LGSN: variants seen among roughly 807,000 people sequenced by gnomAD.
LGSN encodes the protein lengsin, lens protein with glutamine synthetase domain.
A neutral mutation model predicts 19.5 loss-of-function variants in LGSN; 21 were observed. The ratio of observed to expected loss-of-function variants is 1.07; its 90% CI spans 0.76 to 1.55. The LOEUF is 1.55. LGSN is among the 40% of genes most tolerant of loss of function. The probability of loss-of-function intolerance (pLI) is 0.00; values close to 1 mark genes in which losing one functional copy is unlikely to be tolerated. For missense variants in LGSN, 673 were observed against 608.5 expected, an observed-to-expected ratio of 1.11 and a Z score of -1.12; for synonymous variants, 257 against 215.6, an observed-to-expected ratio of 1.19 and a Z score of -1.68.
chr6:63,321,025 T>C (rs959897850), upstream of LGSN, among the ~76,000 whole-genome samples: 42 of 152,184 alleles, frequency 2.8e-4, no homozygotes, highest in Non-Finnish European at 2.5e-4. Flanking sequence ...TGGACCTAGT[T>C]CTGATGCTGA....
At chr6:63,481,417 A>T in the LGSN span, among the ~76,000 whole-genome samples, 3 of 150,900 alleles carry the variant, frequency 2.0e-5, no homozygotes, top group Admixed American at 2.0e-4. Context: ...ATCTCGGCTC[A>T]CTGCAACCTC....
At chr6:63,526,839 A>G in the LGSN span, among the ~76,000 whole-genome samples, 1 of 141,434 alleles carries the variant, frequency 7.1e-6, no homozygotes, top group African/African-American at 2.6e-5. Context: ...ATATATATTT[A>G]TTTATTTATT....
chr6:63,487,842 G>A, the LGSN span, among the ~76,000 whole-genome samples: 5 of 152,056 alleles, frequency 3.3e-5, no homozygotes, highest in Admixed American at 6.6e-5. Flanking sequence ...TTAGCCCAGC[G>A]TGGTAGTGGG....
the LGSN span, among the ~76,000 whole-genome samples, chr6:63,331,235 T>C: frequency 1.3e-5 from 2 of 152,148 alleles, no homozygotes; most frequent in South Asian, 4.1e-4. Flanking sequence ...TTGCAAGCTT[T>C]GCATAGTTGT....
the LGSN span, among the ~76,000 whole-genome samples, chr6:63,342,168 T>C: frequency 6.6e-6 from 1 of 152,220 alleles, no homozygotes; most frequent in Admixed American, 6.5e-5. Flanking sequence ...ATGCTTTTGG[T>C]TGTAGTTCAG....
At chr6:63,458,825 A>G in the LGSN span, among the ~76,000 whole-genome samples, 1 of 152,242 alleles carries the variant, frequency 6.6e-6, no homozygotes, top group Non-Finnish European at 1.5e-5. Context: ...ATATTTACAC[A>G]TACCTTCCAT....
chr6:63,539,020 A>T, the LGSN span, among the ~76,000 whole-genome samples: 1 of 152,010 alleles, frequency 6.6e-6, no homozygotes, highest in East Asian at 1.9e-4. Context: ...AGCTTCCCAC[A>T]TAGCTGGGAT....
the LGSN span, among the ~76,000 whole-genome samples, chr6:63,513,695 G>A: frequency 6.6e-6 from 1 of 152,040 alleles, no homozygotes; most frequent in African/African-American, 2.4e-5. Context: ...TGGATCATCT[G>A]AGGTCAGGAA....
chr6:63,570,773 T>A, the LGSN span, among the ~76,000 whole-genome samples: 1,008 of 152,344 alleles, frequency 6.6e-3, 12 homozygotes, highest in Middle Eastern at 0.027. Context: ...CACTATTATA[T>A]ACATTGGCCA....
chr6:63,411,044 G>T, the LGSN span, among the ~76,000 whole-genome samples: 2 of 152,166 alleles, frequency 1.3e-5, no homozygotes, highest in African/African-American at 4.8e-5. Flanking sequence ...AATTTATCAG[G>T]ATTATTTCTC....
upstream of LGSN, among the ~76,000 whole-genome samples, chr6:63,322,215 A>G (rs9448873): frequency 0.043 from 6,575 of 152,302 alleles, 468 homozygotes; most frequent in African/African-American, 0.15. Flanking sequence ...ATGAAATCAC[A>G]ATGAATCTGT....
At chr6:63,423,369 A>T in the LGSN span, among the ~76,000 whole-genome samples, 1 of 152,092 alleles carries the variant, frequency 6.6e-6, no homozygotes, top group Non-Finnish European at 1.5e-5. Context: ...ATCTGGGCAA[A>T]GTGGCTCATG....
the LGSN span, among the ~76,000 whole-genome samples, chr6:63,541,008 AG>A: frequency 7.0e-6 from 1 of 141,866 alleles, no homozygotes; most frequent in South Asian, 2.3e-4. Context: ...GTCAAAAAAA[AG>A]GAAGGAGGGA....
At chr6:63,504,366 C>G in the LGSN span, among the ~76,000 whole-genome samples, 1 of 152,020 alleles carries the variant, frequency 6.6e-6, no homozygotes, top group Non-Finnish European at 1.5e-5. Flanking sequence ...CTCAGCCTCC[C>G]GAGTAACTGA....
chr6:63,476,598 C>T, the LGSN span, among the ~76,000 whole-genome samples: 1 of 152,212 alleles, frequency 6.6e-6, no homozygotes, highest in Non-Finnish European at 1.5e-5. Context: ...ACTCAAGCAC[C>T]TACATGCTGT....
rs139129109 is a variant in LGSN, at chr6:63,294,744, T to C, written c.163+169A>G. 2.7e-3 allele frequency among the ~76,000 whole-genome samples: 404 copies of C among 152,340 alleles called. 3 individuals are homozygous for C. Among genetic ancestry groups the C allele is most frequent in the Non-Finnish European group, 1.3e-3 (89 of 68,034 alleles). ...TTTTGATTGGTTATTTTTATATATT[T>C]ACGTTGTAAGCTTATATTTGCCATC... On this transcript the variant is annotated intron_variant, in intron 2 of 3. Coordinates refer to ENST00000370657, the MANE Select transcript of LGSN (RefSeq NM_016571.3).
At chr6:63,519,571 G>A in the LGSN span, among the ~76,000 whole-genome samples, 10 of 152,126 alleles carry the variant, frequency 6.6e-5, no homozygotes, top group Non-Finnish European at 1.2e-4. Flanking sequence ...CATATGCCAA[G>A]TTTGTTCCAT....
the LGSN span, among the ~76,000 whole-genome samples, chr6:63,424,064 A>G: frequency 6.6e-6 from 1 of 152,152 alleles, no homozygotes; most frequent in Non-Finnish European, 1.5e-5. Flanking sequence ...AGAAAGAAAG[A>G]AAAACTGAGT....
chr6:63,282,971 A>T (rs1331829444), intron 3 of LGSN, among the ~76,000 whole-genome samples: 1 of 152,120 alleles, frequency 6.6e-6, no homozygotes, highest in East Asian at 1.9e-4. Context: ...AATATATTTT[A>T]TTCATGAGAC....
Sources: allele counts gnomAD v4.1 joint callset (sites outside exome capture counted in the v4.1 genomes callset), GRCh38; gene constraint gnomAD v4.1.1; transcripts MANE v1.5; gene names NCBI Gene and HGNC (gene_info 2026-07-23, HGNC 2026-07-21).